The following MIPEP variants were observed in gnomAD, a reference collection of about 807,000 sequenced individuals.
The protein encoded by MIPEP is mitochondrial intermediate peptidase.
In MIPEP, 79 loss-of-function variants were observed where a neutral mutation model predicts 90.3. The ratio of observed to expected loss-of-function variants is 0.87; its 90% CI spans 0.73 to 1.05. The LOEUF is 1.05. Ranked by LOEUF, MIPEP falls within the 50% of genes least tolerant of loss-of-function variation. The pLI, the probability that MIPEP is intolerant of heterozygous loss-of-function variation, is 0.00. For missense variants in MIPEP, 940 were observed against 905.6 expected (o/e 1.04, Z -0.49); for synonymous variants, 334 against 315.8 (o/e 1.06, Z -0.61).
rs58008469 is a variant in MIPEP at position 23,831,383 on chromosome 13, C to CCGGGG, written c.1653+4856_1653+4857insCCCCG. ...CGGGGACAGCCTAGCTTCCCCATGG[C>CCGGGG]GGGGGGGGGATGTGGATGGGAATTG... On this transcript the variant is annotated intron_variant, in intron 14 of 18. Transcript: ENST00000382172. Among the ~76,000 whole-genome samples, 35 of 40,870 alleles carry CCGGGG rather than the reference C, an allele frequency of 8.6e-4. 3 individuals carry two copies. Among genetic ancestry groups the CCGGGG allele is most frequent in the East Asian group, 5.3e-3 (11 of 2,086 alleles). 26.8% of individuals were successfully genotyped at this position (40,870 alleles called of 152,430 possible).
chr13:23,758,425 A>C (rs1177765965), intron 17 of MIPEP, among the ~76,000 whole-genome samples: 1 of 152,212 alleles, frequency 6.6e-6, no homozygotes, highest in African/African-American at 2.4e-5. Context: ...TGGCAACTAC[A>C]TGTCTAGGCA....
intron 15 of MIPEP, among the ~76,000 whole-genome samples, chr13:23,807,089 CA>C (rs1953119895): frequency 6.6e-6 from 1 of 151,912 alleles, no homozygotes; most frequent in South Asian, 2.1e-4. Context: ...ACTAGATGAC[CA>C]GGGGAAAAGG....
At chr13:23,859,212 C>T (rs989107407) in intron 9 of MIPEP, among the ~76,000 whole-genome samples, 2 of 152,102 alleles carry the variant, frequency 1.3e-5, no homozygotes, top group Non-Finnish European at 2.9e-5. Context: ...ATTATATTAG[C>T]CATAATGAAA....
At chr13:23,855,819 A>C (rs1593193455) in intron 10 of MIPEP, among the ~76,000 whole-genome samples, 1 of 152,364 alleles carries the variant, frequency 6.6e-6, no homozygotes, top group East Asian at 1.9e-4. Flanking sequence ...TTAAAACTTT[A>C]AAATAAGCTA....
intron 16 of MIPEP, among the ~76,000 whole-genome samples, chr13:23,802,471 G>C (rs1953054937): frequency 6.6e-6 from 1 of 152,064 alleles, no homozygotes; most frequent in Non-Finnish European, 1.5e-5. Context: ...AGGAGGCTGA[G>C]GTGAGAGAAT....
intron 18 of MIPEP, among the ~76,000 whole-genome samples, chr13:23,738,675 T>C (rs1346554415): frequency 6.6e-6 from 1 of 151,932 alleles, no homozygotes; most frequent in African/African-American, 2.4e-5. Flanking sequence ...CTCGAACTCC[T>C]GAGCTCAAGT....
At chr13:23,734,388 C>A (rs996679292) in intron 18 of MIPEP, among the ~76,000 whole-genome samples, 7 of 152,288 alleles carry the variant, frequency 4.6e-5, no homozygotes, top group Non-Finnish European at 1.0e-4. Context: ...CTCATCGGAG[C>A]CACATCATTT....
At chr13:23,767,600 T>C (rs1273504648) in intron 16 of MIPEP, among the ~76,000 whole-genome samples, 1 of 151,880 alleles carries the variant, frequency 6.6e-6, no homozygotes, top group Non-Finnish European at 1.5e-5. Context: ...TACAGGCACG[T>C]GCCACCATGC....
At chr13:23,868,689 G>A (rs1002649777) in intron 7 of MIPEP, among the ~76,000 whole-genome samples, 3 of 152,048 alleles carry the variant, frequency 2.0e-5, no homozygotes, top group Non-Finnish European at 2.9e-5. Context: ...AATTACAACT[G>A]TAAGTTAATA....
At chr13:23,837,803 G>A (rs1277469633) in intron 12 of MIPEP, 47 bp from the exon 13 acceptor site, 4 of 1,465,710 alleles carry the variant, frequency 2.7e-6, no homozygotes, top group African/African-American at 1.4e-5. Context: ...ATTTGGTAAT[G>A]TGAAGAGTAA....
chr13:23,813,176 T>C (rs1019486415), intron 14 of MIPEP, among the ~76,000 whole-genome samples: 1 of 152,228 alleles, frequency 6.6e-6, no homozygotes, highest in Non-Finnish European at 1.5e-5. Context: ...TATCTAAAGT[T>C]ATTTTTTAAA....
At chr13:23,765,664 C>T (rs2138523841) in intron 16 of MIPEP, among the ~76,000 whole-genome samples, 1 of 152,294 alleles carries the variant, frequency 6.6e-6, no homozygotes, top group East Asian at 1.9e-4. Context: ...CATGTCTGGA[C>T]TTACTGCAGT....
At chr13:23,785,668 G>C (rs1266339680) in intron 16 of MIPEP, among the ~76,000 whole-genome samples, 2 of 146,910 alleles carry the variant, frequency 1.4e-5, no homozygotes, top group African/African-American at 5.0e-5. Flanking sequence ...TCTAAAAAAA[G>C]AAAAAAAGGG....
At chr13:23,763,247 C>T (rs916864728) in intron 16 of MIPEP, among the ~76,000 whole-genome samples, 62 of 152,136 alleles carry the variant, frequency 4.1e-4, no homozygotes, top group African/African-American at 1.5e-3. Context: ...CCACTGGTAG[C>T]CTTTCTCGTA....
chr13:23,823,038 T>C (rs7995933), intron 14 of MIPEP, among the ~76,000 whole-genome samples: 18,606 of 152,062 alleles, frequency 0.12, 1,296 homozygotes, highest in Non-Finnish European at 0.14. Context: ...GAATCTGCAT[T>C]TTATCCAGAT....
intron 10 of MIPEP, among the ~76,000 whole-genome samples, chr13:23,849,000 G>A (rs886740966): frequency 6.6e-6 from 1 of 152,188 alleles, no homozygotes; most frequent in African/African-American, 2.4e-5. Context: ...AGGAGGGCGT[G>A]ACTGCTGTGC....
At chr13:23,873,485 A>T (rs1158362212) in intron 5 of MIPEP, among the ~76,000 whole-genome samples, 1 of 152,176 alleles carries the variant, frequency 6.6e-6, no homozygotes, top group African/African-American at 2.4e-5. Flanking sequence ...GCCTTGGTCT[A>T]AAAAAAGCCA....
intron 7 of MIPEP, among the ~76,000 whole-genome samples, chr13:23,866,729 T>G (rs535961039): frequency 6.6e-6 from 1 of 152,304 alleles, no homozygotes; most frequent in African/African-American, 2.4e-5. Context: ...AAGTTCACTC[T>G]CTTAGTGGTA....
intron 16 of MIPEP, among the ~76,000 whole-genome samples, chr13:23,793,449 T>C (rs1952921485): frequency 1.3e-5 from 2 of 152,178 alleles, no homozygotes; most frequent in Non-Finnish European, 2.9e-5. Flanking sequence ...TTGATCTGGG[T>C]GGTGGTTCCA....
Sources: allele counts gnomAD v4.1 joint callset (sites outside exome capture counted in the v4.1 genomes callset), GRCh38; gene constraint gnomAD v4.1.1; transcripts MANE v1.5; gene names NCBI Gene and HGNC (gene_info 2026-07-23, HGNC 2026-07-21).